Variants in ENOX2 observed in about 807,000 individuals in gnomAD.
The protein encoded by ENOX2 is APK1 antigen.
Under a neutral mutation model 45.0 loss-of-function variants are expected in ENOX2, and 36 were observed. The ratio of observed to expected loss-of-function variants is 0.80; its 90% confidence interval spans 0.61 to 1.06. ENOX2 has a LOEUF of 1.06. Among genes scored for constraint, ENOX2 ranks in the 50% least tolerant of loss-of-function variants. ENOX2 has a pLI of 0.00. For synonymous variants in ENOX2, 174 were observed against 152.3 expected (o/e 1.14, Z -1.05); for missense variants, 423 against 462.5 (o/e 0.91, Z 0.78).
At chrX:130,673,357 A>G (rs1384642045) in intron 6 of ENOX2, among the ~76,000 whole-genome samples, 1 of 111,015 alleles carries the variant, frequency 9.0e-6, no homozygotes, top group Non-Finnish European at 1.9e-5. Context: ...AAATTCTGAA[A>G]CGACAAAGAA....
chrX:130,670,040 A>G lies in ENOX2; in HGVS notation c.619T>C (p.Leu207=). The G allele has an allele frequency of 8.3e-7, 1 of 1,211,450 alleles. No individual in the cohort carries two copies. ...ACTGGGGGTGGAGATGGTGGACGCA[A>G]TCTTTCTTCTTCCATTCTTCTACGA... ...RHRRRMEEER[L]RPPSPPPVVH... is the part of the protein sequence containing the mutation. Residue 207 remains leucine, a synonymous_variant, in exon 7 of 15, where the codon TTG becomes CTG. Coordinates refer to ENST00000394363, the MANE Select transcript of ENOX2 (RefSeq NM_006375.4).
At chrX:130,824,702 T>A (rs146546525) in intron 2 of ENOX2, among the ~76,000 whole-genome samples, 1 of 110,986 alleles carries the variant, frequency 9.0e-6, no homozygotes. Flanking sequence ...AACAACCAAA[T>A]AGAATAACGA....
chrX:130,879,665 G>C (rs1315461019), intron 2 of ENOX2, among the ~76,000 whole-genome samples: 1 of 111,997 alleles, frequency 8.9e-6, no homozygotes, highest in Non-Finnish European at 1.9e-5. Context: ...CATTTATTGA[G>C]AGTACTAACA....
chrX:130,762,659 A>C (rs1425587184), intron 3 of ENOX2, among the ~76,000 whole-genome samples: 1 of 111,254 alleles, frequency 9.0e-6, no homozygotes. Flanking sequence ...GTCTTTGGAG[A>C]TTTTCCTATT....
intron 2 of ENOX2, among the ~76,000 whole-genome samples, chrX:130,786,356 G>A (rs1476248241): frequency 9.0e-6 from 1 of 111,273 alleles, no homozygotes; most frequent in Non-Finnish European, 1.9e-5. Context: ...GGGATTAGGA[G>A]GTTCTGATTA....
intron 2 of ENOX2, among the ~76,000 whole-genome samples, chrX:130,877,766 C>T (rs1033327227): frequency 8.9e-6 from 1 of 112,024 alleles, no homozygotes; most frequent in Middle Eastern, 4.6e-3. Context: ...TATCCATCAC[C>T]TGTTTCACAA....
chrX:130,682,943 T>C (rs748890676), intron 5 of ENOX2, among the ~76,000 whole-genome samples: 4 of 111,742 alleles, frequency 3.6e-5, no homozygotes, highest in East Asian at 5.6e-4. Context: ...TGATAACCCA[T>C]AGGAGAGCAA....
intron 2 of ENOX2, among the ~76,000 whole-genome samples, chrX:130,869,758 C>T (rs765606435): frequency 8.9e-6 from 1 of 111,938 alleles, no homozygotes; most frequent in Non-Finnish European, 1.9e-5. Flanking sequence ...TCCTTCAAGA[C>T]TCAGATCAAA....
intron 3 of ENOX2, among the ~76,000 whole-genome samples, chrX:130,722,494 A>G (rs752407279): frequency 2.8e-4 from 31 of 111,941 alleles, no homozygotes; most frequent in Non-Finnish European, 4.9e-4. Context: ...AGGTCAGAGT[A>G]CGCAACCTTT....
At chrX:130,899,295 G>A (rs1307857765) in intron 2 of ENOX2, among the ~76,000 whole-genome samples, 2 of 112,124 alleles carry the variant, frequency 1.8e-5, no homozygotes, top group Non-Finnish European at 3.8e-5. Context: ...GTGCTACCAA[G>A]GTCCCCAGTT....
chrX:130,888,999 G>T (rs1020329103), intron 2 of ENOX2, among the ~76,000 whole-genome samples: 7 of 111,118 alleles, frequency 6.3e-5, no homozygotes, highest in African/African-American at 2.0e-4. Flanking sequence ...CCAGTGTGTT[G>T]GGGGAGGATT....
intron 3 of ENOX2, among the ~76,000 whole-genome samples, chrX:130,723,756 C>T (rs1215433288): frequency 5.4e-5 from 6 of 111,702 alleles, no homozygotes; most frequent in African/African-American, 1.6e-4. Context: ...ATTTTCCACT[C>T]CGGATGTTCT....
intron 2 of ENOX2, among the ~76,000 whole-genome samples, chrX:130,895,007 C>G (rs932362119): frequency 9.0e-6 from 1 of 111,477 alleles, no homozygotes; most frequent in Non-Finnish European, 1.9e-5. Flanking sequence ...GTAATTCCCT[C>G]CTCCATATTC....
chrX:130,796,605 A>G (rs181913845), intron 2 of ENOX2, among the ~76,000 whole-genome samples: 37 of 112,266 alleles, frequency 3.3e-4, no homozygotes, highest in African/African-American at 1.1e-3. Context: ...AATAGGTCTC[A>G]GACTTGGTTT....
intron 12 of ENOX2, among the ~76,000 whole-genome samples, chrX:130,633,354 G>A (rs10521759): frequency 8.9e-6 from 1 of 112,086 alleles, no homozygotes; most frequent in Non-Finnish European, 1.9e-5. Context: ...TAACCTAATT[G>A]TGTCAGGTTG....
chrX:130,890,822 G>T (rs1271617758), intron 2 of ENOX2, among the ~76,000 whole-genome samples: 1 of 112,843 alleles, frequency 8.9e-6, no homozygotes, highest in East Asian at 2.8e-4. Flanking sequence ...TTCACTGTTT[G>T]ATCTTGGTCA....
chrX:130,869,315 C>T (rs1291343846), intron 2 of ENOX2, among the ~76,000 whole-genome samples: 2 of 111,508 alleles, frequency 1.8e-5, no homozygotes, highest in Admixed American at 9.6e-5. Context: ...TCTGGTCACA[C>T]ATTTGAAACG....
intron 2 of ENOX2, among the ~76,000 whole-genome samples, chrX:130,891,828 G>C (rs773600565): frequency 4.5e-5 from 5 of 111,899 alleles, no homozygotes; most frequent in African/African-American, 1.3e-4. Flanking sequence ...ATTCAAAACA[G>C]TGAAAGTAAA....
Position 130,622,541 on chromosome X carries a change from A to G in ENOX2, c.*2773T>C, listed in dbSNP as rs973076729. Among the ~76,000 whole-genome samples, 2 of 112,015 alleles carry G rather than the reference A, an allele frequency of 1.8e-5. No individual in the cohort carries two copies. The highest frequency in any genetic ancestry group is 3.8e-5 in the Non-Finnish European group (2 of 53,259). On this transcript the variant is annotated 3_prime_UTR_variant, in exon 15 of 15. Transcript: ENST00000394363. Reference sequence around the variant, plus strand: ...CAGGACTAGGGAAGGAGATAAAAAAATCATTTGTAAAACAAAAGAAACCTT... The same window carrying G: ...CAGGACTAGGGAAGGAGATAAAAAAGTCATTTGTAAAACAAAAGAAACCTT...
Sources: gnomAD v4.1 joint callset for allele counts (sites outside exome capture counted in the v4.1 genomes callset) on GRCh38, gnomAD v4.1.1 for gene constraint, MANE v1.5 for transcripts, NCBI Gene and HGNC (gene_info 2026-07-23, HGNC 2026-07-21) for gene names.